Variants in SLC2A9 observed in about 807,000 individuals in gnomAD.
SLC2A9 encodes solute carrier family 2 member 9.
Under a neutral mutation model 50.6 loss-of-function variants are expected in SLC2A9, and 39 were observed. The observed-to-expected ratio is 0.77, with a 90% CI of 0.60 to 1.01. The LOEUF (loss-of-function observed/expected upper bound fraction) is 1.01. SLC2A9 is among the 50% of genes least tolerant of loss of function. The pLI is 0.00. For missense variants in SLC2A9, 686 were observed against 677.6 expected (o/e 1.01, Z -0.14); for synonymous variants, 324 against 276.9 (o/e 1.17, Z -1.69).
downstream of SLC2A9, among the ~76,000 whole-genome samples, chr4:9,822,625 A>G (rs998324856): frequency 2.0e-5 from 3 of 152,210 alleles, no homozygotes; most frequent in Non-Finnish European, 2.9e-5. Flanking sequence ...CCTTCAAAAA[A>G]TTCAAACTGG....
At chr4:9,775,726 G>A (rs1038885856), downstream of SLC2A9, among the ~76,000 whole-genome samples, 2 of 152,184 alleles carry the variant, frequency 1.3e-5, no homozygotes, top group Non-Finnish European at 2.9e-5. Context: ...CTCCTTAGAA[G>A]CCAAGCAGAT....
At chr4:9,999,176 T>C (rs1180364998) in intron 2 of SLC2A9, among the ~76,000 whole-genome samples, 1 of 151,306 alleles carries the variant, frequency 6.6e-6, no homozygotes, top group South Asian at 2.1e-4. Context: ...GCCTCCCGAG[T>C]AGCTGAGACA....
At chr4:9,841,505 T>C (rs1232068395) in intron 10 of SLC2A9, among the ~76,000 whole-genome samples, 2 of 152,224 alleles carry the variant, frequency 1.3e-5, no homozygotes, top group East Asian at 3.8e-4. Flanking sequence ...TGTGATATGA[T>C]GGAAGACCGA....
At chr4:9,910,596 C>T (rs995076944) in intron 7 of SLC2A9, among the ~76,000 whole-genome samples, 4 of 152,172 alleles carry the variant, frequency 2.6e-5, no homozygotes, top group South Asian at 2.1e-4. Flanking sequence ...TATTCACAGC[C>T]GTGGTTCTGA....
At chr4:9,776,183 C>CTCTCT (rs1300940353), downstream of SLC2A9, among the ~76,000 whole-genome samples, 2 of 134,780 alleles carry the variant, frequency 1.5e-5, no homozygotes, top group South Asian at 2.5e-4. Flanking sequence ...AGAAGTCTTT[C>CTCTCT]TTTCTTTTTT....
rs112088957 is a variant in SLC2A9 at position 9,789,609 on chromosome 4, G to A, written n.386-9544C>T. Among the ~76,000 whole-genome samples, 21 of 152,328 alleles carry A rather than the reference G, an allele frequency of 1.4e-4. No individual in the cohort carries two copies. In the South Asian group the frequency reaches 2.5e-3, roughly 18 times the overall value. ...TGTTGATATGAGGGGAGAGTTAAGC[G>A]GAGAATGTTGAGCCCATGTGGAAAC... On this transcript the variant is annotated intron_variant and non_coding_transcript_variant, in intron 3 of 3. Coordinates refer to the SLC2A9 transcript ENST00000503803.
chr4:9,822,010 G>T (rs1257294953), downstream of SLC2A9, among the ~76,000 whole-genome samples: 4 of 152,174 alleles, frequency 2.6e-5, no homozygotes, highest in Non-Finnish European at 5.9e-5. Context: ...TGAATTTACA[G>T]GCAGGGTTAT....
chr4:9,930,192 A>G (rs1385745330), intron 6 of SLC2A9, among the ~76,000 whole-genome samples: 2 of 152,012 alleles, frequency 1.3e-5, no homozygotes, highest in Admixed American at 1.3e-4. Context: ...CTCATCTGAA[A>G]TTGAAAGACA....
intron 5 of SLC2A9, among the ~76,000 whole-genome samples, chr4:9,942,679 G>C (rs1172336319): frequency 6.6e-6 from 1 of 152,234 alleles, no homozygotes; most frequent in Non-Finnish European, 1.5e-5. Context: ...CAAGAGGCAA[G>C]TGATGCACTC....
At chr4:9,903,013 A>C (rs1341355582) in intron 8 of SLC2A9, among the ~76,000 whole-genome samples, 2 of 152,220 alleles carry the variant, frequency 1.3e-5, no homozygotes, top group Admixed American at 1.3e-4. Context: ...ACTTTCACTA[A>C]GAGAAAAATG....
intron 3 of SLC2A9, among the ~76,000 whole-genome samples, chr4:9,806,980 C>T (rs1489382802): frequency 6.6e-6 from 1 of 152,170 alleles, no homozygotes; most frequent in East Asian, 1.9e-4. Flanking sequence ...CTTCTCAGCC[C>T]ACTTTTCCAG....
In SLC2A9 at chr4:9,817,186, C is replaced by T. The variant is rs148889786; in HGVS notation, n.420+9234G>A. Among the ~76,000 whole-genome samples the T allele has an allele frequency of 3.7e-3, 562 of 152,322 alleles. 2 individuals carry two copies. Among genetic ancestry groups the T allele is most frequent in the African/African-American group, 0.01 (426 of 41,580 alleles). ...GACATTGGGTTTACCCAGTCATCCA[C>T]GTTAATGACCCAAACTCAAGATCCT... is the stretch of plus-strand genomic sequence containing the variant. On this transcript the variant is annotated intron_variant and non_coding_transcript_variant, in intron 3 of 3. Coordinates refer to the SLC2A9 transcript ENST00000503280.
chr4:9,778,183 C>T (rs1306169182), downstream of SLC2A9, among the ~76,000 whole-genome samples: 4 of 151,790 alleles, frequency 2.6e-5, no homozygotes, highest in Admixed American at 2.6e-4. Context: ...GATCTCGGCT[C>T]ACTGCAACCT....
At chr4:10,020,333 G>C (rs546472129) in intron 1 of SLC2A9, among the ~76,000 whole-genome samples, 1 of 152,220 alleles carries the variant, frequency 6.6e-6, no homozygotes, top group South Asian at 2.1e-4. Context: ...CTGAGCAAGT[G>C]ACTTGACTTT....
chr4:10,037,377 T>C (rs184460416), intron 1 of SLC2A9, among the ~76,000 whole-genome samples: 17 of 152,284 alleles, frequency 1.1e-4, no homozygotes, highest in Admixed American at 3.9e-4. Flanking sequence ...TAGTGTCATG[T>C]TTTTGATGTT....
At chr4:9,937,740 C>G (rs1481488876) in intron 6 of SLC2A9, among the ~76,000 whole-genome samples, 8 of 152,220 alleles carry the variant, frequency 5.3e-5, no homozygotes, top group Non-Finnish European at 1.5e-5. Flanking sequence ...GGTAAGGCCA[C>G]CACAGACAGC....
At position 9,860,255 on chromosome 4, in the gene SLC2A9, C is replaced by T. The variant is rs114467247; in HGVS notation, c.1292-25247G>A. Among the ~76,000 whole-genome samples the T allele has an allele frequency of 3.6e-3, 551 of 152,258 alleles. 4 individuals are homozygous for T. The highest frequency in any genetic ancestry group is 0.011 in the African/African-American group (475 of 41,560). Reference sequence around the variant, plus strand: ...CACATCACTACCTCTTCCCTGCCTTCGAGGCTGTTGGGGTCTTCCTCTGTT... The same window carrying T: ...CACATCACTACCTCTTCCCTGCCTTTGAGGCTGTTGGGGTCTTCCTCTGTT... On this transcript the variant is annotated intron_variant, in intron 10 of 11. Coordinates refer to ENST00000264784, the MANE Select transcript of SLC2A9 (RefSeq NM_020041.3).
At chr4:9,973,420 A>G (rs937409672) in intron 5 of SLC2A9, among the ~76,000 whole-genome samples, 5 of 151,960 alleles carry the variant, frequency 3.3e-5, no homozygotes, top group African/African-American at 1.2e-4. Flanking sequence ...TTGAGGAGGG[A>G]CTCCTCTCTA....
At chr4:9,830,830 T>A (rs956055751) in intron 11 of SLC2A9, among the ~76,000 whole-genome samples, 1 of 152,130 alleles carries the variant, frequency 6.6e-6, no homozygotes, top group Non-Finnish European at 1.5e-5. Flanking sequence ...GCCAACAGGA[T>A]CCCAGAGCCA....
Sources: gnomAD v4.1 joint callset for allele counts (sites outside exome capture counted in the v4.1 genomes callset) on GRCh38, gnomAD v4.1.1 for gene constraint, MANE v1.5 for transcripts, NCBI Gene and HGNC (gene_info 2026-07-23, HGNC 2026-07-21) for gene names.